LGALS4: variants seen among roughly 807,000 people sequenced by gnomAD.
LGALS4 encodes the protein galectin-4.
A neutral mutation model predicts 39.6 loss-of-function variants in LGALS4; 37 were observed. The ratio of observed to expected loss-of-function variants is 0.93; its 90% CI spans 0.72 to 1.23. The LOEUF (loss-of-function observed/expected upper bound fraction) is 1.23. Among genes scored for constraint, LGALS4 ranks in the 50% most tolerant of loss-of-function variants. The pLI, the probability that LGALS4 is intolerant of heterozygous loss-of-function variation, is 0.00. For synonymous variants in LGALS4, 160 were observed against 165.5 expected (o/e 0.97, Z 0.25); for missense variants, 397 against 433.2 (o/e 0.92, Z 0.74).
intron 2 of LGALS4, 91 bp downstream of exon 2, chr19:38,812,340 G>C: frequency 9.5e-7 from 1 of 1,056,654 alleles, no homozygotes; most frequent in East Asian, 2.4e-5. Flanking sequence ...CCACCAGGGT[G>C]GGGTAAGGGC....
Position 38,801,894 on chromosome 19 carries a change from C to T in LGALS4, c.842G>A (p.Gly281Asp), listed in dbSNP as rs1382942030. 1 of 1,614,178 alleles carries T rather than the reference C, an allele frequency of 6.2e-7. No individual in the cohort carries two copies. Among genetic ancestry groups the T allele is most frequent in the South Asian group, 1.1e-5 (1 of 91,080 alleles). ...GQFFDLSIRC[G>D]LDRFKVYANG... ...GGCGTAAACCTTGAAGCGATCCAAGCCACAGCGAATGGACAGCTGCAGGGA... is the reference window on the plus strand; with the variant it reads ...GGCGTAAACCTTGAAGCGATCCAAGTCACAGCGAATGGACAGCTGCAGGGA... The change falls in exon 10 of 10, where the codon GGC becomes GAC. Residue 281 changes from glycine to aspartate, a missense_variant. Transcript: ENST00000307751.
In LGALS4 at chr19:38,807,209, T is replaced by C. The variant is rs145702944; in HGVS notation, c.340-614A>G. On this transcript the variant is annotated intron_variant, in intron 3 of 9. Coordinates refer to ENST00000307751, the MANE Select transcript of LGALS4 (RefSeq NM_006149.4). ...TAGCAAGACCCCGTCTTTACAAAAA[T>C]ATACAAAAATTAGCCGGGCGTGGTG... Among the ~76,000 whole-genome samples, 246 of 151,756 alleles carry C rather than the reference T, an allele frequency of 1.6e-3. 1 individual carries two copies. The highest frequency in any genetic ancestry group is 2.1e-3 in the Non-Finnish European group (146 of 67,930).
Position 38,802,043 on chromosome 19 carries a change from G to A in LGALS4, c.774C>T (p.Ser258=), listed in dbSNP as rs542777686. ...RNSLLNGSWG[S]EEKKITHNPF... ...GGTTGTGGGTGATCTTCTTCTCCTC[G>A]GATCCCCACGAGCCATTCAGAAGGC... Residue 258 remains serine (S), a synonymous_variant, in exon 9 of 10, where the codon TCC becomes TCT. Transcript: ENST00000307751. 151 of 1,614,172 alleles carry A rather than the reference G, an allele frequency of 9.4e-5. 1 individual carries two copies. In the East Asian group the frequency reaches 3.0e-3, roughly 32 times the overall value.
chr19:38,807,159 G>A (rs1398098675), intron 3 of LGALS4, among the ~76,000 whole-genome samples: 1 of 151,894 alleles, frequency 6.6e-6, no homozygotes, highest in African/African-American at 2.4e-5. Context: ...TTGAGATCAA[G>A]AGTTCGAGAC....
intron 4 of LGALS4, among the ~76,000 whole-genome samples, chr19:38,804,561 ACTCT>A (rs936658759): frequency 6.6e-6 from 1 of 151,790 alleles, no homozygotes; most frequent in South Asian, 2.1e-4. Context: ...TTTAACTTTT[ACTCT>A]CTCTCTTTCT....
intron 4 of LGALS4, among the ~76,000 whole-genome samples, chr19:38,804,770 C>T (rs753505005): frequency 1.0e-3 from 155 of 151,802 alleles, no homozygotes; most frequent in Non-Finnish European, 9.6e-4. Context: ...GTGCAGTGAG[C>T]TGAGATCATG....
chr19:38,805,532 C>T (rs1260752953), intron 4 of LGALS4, among the ~76,000 whole-genome samples: 2 of 152,118 alleles, frequency 1.3e-5, no homozygotes, highest in East Asian at 3.9e-4. Flanking sequence ...GGTCAGGGCC[C>T]AGAGATATCT....
At chr19:38,804,765 G>A (rs1472351715) in intron 4 of LGALS4, among the ~76,000 whole-genome samples, 1 of 151,896 alleles carries the variant, frequency 6.6e-6, no homozygotes, top group Admixed American at 6.6e-5. Context: ...AGAGGGTGCA[G>A]TGAGCTGAGA....
intron 4 of LGALS4, 134 bp from the exon 5 acceptor site, chr19:38,804,029 C>T: frequency 2.0e-6 from 2 of 995,058 alleles, no homozygotes; most frequent in South Asian, 1.5e-5. Context: ...CAAAGGGTGG[C>T]ACCCCGATCA....
intron 2 of LGALS4, among the ~76,000 whole-genome samples, chr19:38,810,354 C>CTT (rs761533885): frequency 0.035 from 3,206 of 92,894 alleles, 497 homozygotes; most frequent in African/African-American, 0.062. Flanking sequence ...GAGATTTCGC[C>CTT]TTTTTTTTTT....
intron 3 of LGALS4, 121 bp from the exon 4 acceptor site, chr19:38,806,716 G>C (rs1024643640): frequency 2.1e-5 from 21 of 978,086 alleles, no homozygotes; most frequent in Admixed American, 1.2e-4. Context: ...GGAGGCTGAG[G>C]GGGGTGGATC....
intron 2 of LGALS4, among the ~76,000 whole-genome samples, chr19:38,811,398 C>T (rs907466648): frequency 5.9e-5 from 9 of 151,892 alleles, no homozygotes; most frequent in Non-Finnish European, 8.8e-5. Flanking sequence ...TTTAGGAGGC[C>T]GAGGCTAGAG....
At chr19:38,808,705 G>A in intron 3 of LGALS4, 39 bp downstream of exon 3, 3 of 1,529,930 alleles carry the variant, frequency 2.0e-6, no homozygotes, top group Middle Eastern at 1.7e-4. Context: ...TGGCGCCACT[G>A]CACTCCAGCT....
chr19:38,811,597 G>A (rs932059108), intron 2 of LGALS4, among the ~76,000 whole-genome samples: 8 of 151,984 alleles, frequency 5.3e-5, no homozygotes, highest in Non-Finnish European at 8.8e-5. Flanking sequence ...GTTGGAGGCC[G>A]AAGTGAGCTA....
Position 38,801,913 on chromosome 19 carries a change from G to T in LGALS4, c.826-3C>A. 6.2e-7 allele frequency: 1 copy of T among 1,614,208 alleles called. No homozygotes were observed. The highest frequency in any genetic ancestry group is 8.5e-7 in the Non-Finnish European group (1 of 1,180,030). The stretch of plus-strand genomic sequence containing the variant: ...TCCAAGCCACAGCGAATGGACAGCT[G>T]CAGGGAGAAGGGTGGGCATGAGGCC... On this transcript the variant is annotated splice_region_variant and splice_polypyrimidine_tract_variant and intron_variant, in intron 9 of 9. Transcript: ENST00000307751.
intron 3 of LGALS4, 111 bp downstream of exon 3, chr19:38,808,633 A>G: frequency 1.1e-6 from 1 of 884,964 alleles, no homozygotes; most frequent in Non-Finnish European, 1.7e-6. Context: ...CAAAAAAAAA[A>G]AAAAAAAAAA....
chr19:38,805,915 T>C (rs894722661), intron 4 of LGALS4, among the ~76,000 whole-genome samples: 1 of 151,920 alleles, frequency 6.6e-6, no homozygotes, highest in African/African-American at 2.4e-5. Context: ...CTACTAAAAA[T>C]ACAAAAATTA....
At position 38,803,706 on chromosome 19, in the gene LGALS4, C is replaced by A. The variant is rs371860163; in HGVS notation, c.540+36G>T. ...CCTACCCCAATTCTCACCATTCCCA[C>A]TCCTCACCCGGGGCCCTCCCAGCCC... On this transcript the variant is annotated intron_variant, in intron 6 of 9. Coordinates refer to ENST00000307751, the MANE Select transcript of LGALS4 (RefSeq NM_006149.4). The A allele has an allele frequency of 2.5e-6, 4 of 1,609,116 alleles. No homozygotes were observed. The African/African-American group carries it at 5.3e-5, about 21-fold the overall frequency.
Position 38,802,409 on chromosome 19 carries a change from G to A in LGALS4, c.571-5C>T, listed in dbSNP as rs1256752856. 5 of 1,612,822 alleles carry A rather than the reference G, an allele frequency of 3.1e-6. No individual in the cohort carries two copies. Among genetic ancestry groups the A allele is most frequent in the Non-Finnish European group, 4.2e-6 (5 of 1,178,910 alleles). The stretch of plus-strand genomic sequence containing the variant: ...CCTCCCGAAATATGGCACAGGCTGT[G>A]GGAAGAGAACGGGGGGTCCCATTCT... On this transcript the variant is annotated splice_polypyrimidine_tract_variant and splice_region_variant and intron_variant, in intron 7 of 9. Transcript: ENST00000307751.
Sources: gnomAD v4.1 joint callset for allele counts (sites outside exome capture counted in the v4.1 genomes callset) on GRCh38, gnomAD v4.1.1 for gene constraint, MANE v1.5 for transcripts, NCBI Gene and HGNC (gene_info 2026-07-23, HGNC 2026-07-21) for gene names.